GFPT2: variants seen among roughly 807,000 people sequenced by gnomAD.
The protein encoded by GFPT2 is glutamine--fructose-6-phosphate aminotransferase [isomerizing] 2.
A neutral mutation model predicts 85.6 loss-of-function variants in GFPT2; 62 were observed. The ratio of observed to expected loss-of-function variants is 0.72; its 90% CI spans 0.59 to 0.90. GFPT2 has a LOEUF of 0.90. Among genes scored for constraint, GFPT2 ranks in the 40% least tolerant of loss-of-function variants. The probability of loss-of-function intolerance (pLI) is 0.00; values close to 1 mark genes in which losing one functional copy is unlikely to be tolerated. For missense variants in GFPT2, 788 were observed against 893.4 expected, an observed-to-expected ratio of 0.88 and a Z score of 1.50; for synonymous variants, 368 against 344.5, an observed-to-expected ratio of 1.07 and a Z score of -0.75.
intron 1 of GFPT2, among the ~76,000 whole-genome samples, chr5:180,339,161 C>T (rs1764460559): frequency 6.6e-6 from 1 of 152,088 alleles, no homozygotes; most frequent in African/African-American, 2.4e-5. Flanking sequence ...GGGTGGATCA[C>T]CTGAGGTCAG....
In GFPT2 at chr5:180,313,908, T is replaced by G; in HGVS notation, c.1330A>C (p.Thr444Pro). 1 of 1,606,546 alleles carries G rather than the reference T, an allele frequency of 6.2e-7. No homozygotes were observed. The highest frequency in any genetic ancestry group is 8.5e-7 in the Non-Finnish European group (1 of 1,179,438). Reference protein sequence around the residue: ...LRYCKDRGALTVGVTNTVGSS... With the variant: ...LRYCKDRGALPVGVTNTVGSS... ...CCCACGGTGTTGGTGACGCCCACGG[T>G]GAGAGCGCCGCGGTCCTTACAGTAG... The change falls in exon 14 of 19, where the codon ACC (threonine) becomes CCC (proline). Residue 444 changes from threonine to proline, a missense_variant. Physicochemically the swap from Thr to Pro is conservative, Grantham distance 38. Transcript: ENST00000253778.
intron 9 of GFPT2, among the ~76,000 whole-genome samples, chr5:180,322,837 C>T (rs1250778939): frequency 6.6e-6 from 1 of 151,976 alleles, no homozygotes; most frequent in Admixed American, 6.6e-5. Flanking sequence ...GAGATGGAGA[C>T]AATCCTGGCT....
rs1312016355 is a variant in GFPT2, at chr5:180,300,761, TAG to T, written c.*801_*802del. 1.3e-5 allele frequency: 2 copies of T among 152,650 alleles called. No homozygotes were observed. The highest frequency in any genetic ancestry group is 6.5e-5 in the Admixed American group (1 of 15,278). 9.5% of individuals were successfully genotyped at this position (152,650 alleles called of 1,614,324 possible). A position where few individuals can be genotyped will look rare whatever the true frequency, so the allele number is the denominator to read the frequency against. The stretch of plus-strand genomic sequence containing the variant: ...ACTTTTGATTGTGCACGCTTTTAAA[TAG>T]AGAGCAGAGTTGCCCACTTGAAACT... On this transcript the variant is annotated 3_prime_UTR_variant, in exon 19 of 19. Coordinates refer to ENST00000253778, the MANE Select transcript of GFPT2 (RefSeq NM_005110.4).
intron 8 of GFPT2, chr5:180,324,532 A>C (rs956070992): frequency 5.1e-6 from 3 of 584,448 alleles, no homozygotes; most frequent in Admixed American, 3.2e-5. Flanking sequence ...CAAACCAAAG[A>C]AGCACTCACA....
intron 9 of GFPT2, among the ~76,000 whole-genome samples, chr5:180,322,484 T>C (rs974957482): frequency 6.6e-6 from 1 of 152,370 alleles, no homozygotes; most frequent in African/African-American, 2.4e-5. Flanking sequence ...ATTGCTTTTT[T>C]GGTTCACCTA....
intron 15 of GFPT2, among the ~76,000 whole-genome samples, chr5:180,309,167 C>T (rs930432581): frequency 1.1e-4 from 16 of 151,954 alleles, no homozygotes; most frequent in South Asian, 1.0e-3. Flanking sequence ...CCACCGTGCC[C>T]GGCCCTAGAG....
At chr5:180,350,221 C>G (rs1764687762) in intron 1 of GFPT2, among the ~76,000 whole-genome samples, 2 of 152,190 alleles carry the variant, frequency 1.3e-5, no homozygotes, top group South Asian at 4.1e-4. Context: ...GTCCATCACC[C>G]AAGGGGTCAC....
intron 1 of GFPT2, among the ~76,000 whole-genome samples, chr5:180,342,407 G>GTTTTTTT (rs757456841): frequency 2.7e-5 from 3 of 109,336 alleles, no homozygotes; most frequent in Admixed American, 1.1e-4. Flanking sequence ...TAGGTGAAAT[G>GTTTTTTT]TTTTTTTTTT....
rs1245748608 is a variant in GFPT2, at chr5:180,332,269, G to A, written c.341-716C>T. ...GGCGGGGGGAGCAGGGGGATGCGGG[G>A]GATGCGGTGAGGGATGTCTGCCTCC... On this transcript the variant is annotated intron_variant, in intron 4 of 18. Transcript: ENST00000253778. Among the ~76,000 whole-genome samples, 6 of 151,976 alleles carry A rather than the reference G, an allele frequency of 3.9e-5. No individual in the cohort carries two copies. The East Asian group carries it at 1.2e-3, about 30-fold the overall frequency.
chr5:180,332,186 G>T (rs953324188), intron 4 of GFPT2, among the ~76,000 whole-genome samples: 7 of 151,174 alleles, frequency 4.6e-5, no homozygotes, highest in South Asian at 2.1e-4. Context: ...CCCAGCTCAC[G>T]CGGGCGGCTT....
chr5:180,316,778 G>T lies in GFPT2; in HGVS notation c.1138C>A (p.His380Asn). 1 of 1,612,426 alleles carries T rather than the reference G, an allele frequency of 6.2e-7. No homozygotes were observed. Among genetic ancestry groups the T allele is most frequent in the East Asian group, 2.2e-5 (1 of 44,878 alleles). Residue 380 changes from histidine (H) to asparagine (N), a missense_variant, in exon 12 of 19, where the codon CAC becomes AAC. Coordinates refer to ENST00000253778, the MANE Select transcript of GFPT2 (RefSeq NM_005110.4). ...LIVIGCGTSY[H>N]AAVATRQVLE... ...GTCACACTTACAGCCACGGCAGCGT[G>T]GTAGCTGGTTCCACAGCCAATCACG...
At chr5:180,326,198 G>A (rs757017780) in intron 7 of GFPT2, among the ~76,000 whole-genome samples, 22 of 152,062 alleles carry the variant, frequency 1.4e-4, no homozygotes, top group Non-Finnish European at 1.9e-4. Context: ...CTAAACCTGC[G>A]GTTCTTCAAA....
At position 180,312,427 on chromosome 5, in the gene GFPT2, T is replaced by C. The variant is rs1050771085; in HGVS notation, c.1546+3A>G. Reference sequence around the variant, plus strand: ...ACATGGAAAGCTGAATTCTAGAACATACCAGGTAAAGATCTCAAGCCACGG... The same window carrying C: ...ACATGGAAAGCTGAATTCTAGAACACACCAGGTAAAGATCTCAAGCCACGG... On this transcript the variant is annotated splice_donor_region_variant and intron_variant, in intron 15 of 18. Coordinates refer to ENST00000253778, the MANE Select transcript of GFPT2 (RefSeq NM_005110.4). 2 of 1,475,882 alleles carry C rather than the reference T, an allele frequency of 1.4e-6. No individual in the cohort carries two copies. The highest frequency in any genetic ancestry group is 9.5e-7 in the Non-Finnish European group (1 of 1,053,626). The allele number at this position is 1,475,882 out of a possible 1,614,324, so 91.4% of individuals were successfully genotyped here.
intron 1 of GFPT2, among the ~76,000 whole-genome samples, chr5:180,347,534 G>A (rs186795166): frequency 2.0e-5 from 3 of 152,314 alleles, no homozygotes; most frequent in African/African-American, 4.8e-5. Context: ...AGCCCTCCGA[G>A]AGGAGACTGT....
chr5:180,352,180 C>T (rs1279351454), intron 1 of GFPT2, among the ~76,000 whole-genome samples: 1 of 152,036 alleles, frequency 6.6e-6, no homozygotes, highest in Non-Finnish European at 1.5e-5. Context: ...AGCTGGCCTC[C>T]GAGACAAGAG....
chr5:180,324,837 T>C lies in GFPT2; in HGVS notation c.655A>G (p.Ile219Val). The C allele has an allele frequency of 2.5e-6, 4 of 1,608,868 alleles. No homozygotes were observed. The highest frequency in any genetic ancestry group is 3.4e-6 in the Non-Finnish European group (4 of 1,175,248). Residue 219 changes from isoleucine (I) to valine (V), a missense_variant, in exon 8 of 19, where the codon ATC becomes GTC. Physicochemically the swap from Ile to Val is conservative, Grantham distance 29. Transcript: ENST00000253778. ...RSKYKLSTEQ[I>V]PILYRTCTLE... ...TTACACGTCCTGTATAAGATAGGGATCTGTTCTGTGGAGAGCTTGTATTTG... is the reference window on the plus strand; with the variant it reads ...TTACACGTCCTGTATAAGATAGGGACCTGTTCTGTGGAGAGCTTGTATTTG...
At chr5:180,324,414 T>G in intron 8 of GFPT2, 109 bp from the exon 9 acceptor site, 1 of 692,910 alleles carries the variant, frequency 1.4e-6, no homozygotes, top group Non-Finnish European at 2.5e-6. Context: ...AATTTGCAAT[T>G]TTTAGCTTTG....
chr5:180,315,317 A>G (rs1320308934), intron 13 of GFPT2, among the ~76,000 whole-genome samples: 1 of 151,944 alleles, frequency 6.6e-6, no homozygotes, highest in Non-Finnish European at 1.5e-5. Context: ...AGCCGGGACT[A>G]CAGGCGCCCG....
chr5:180,315,552 G>C (rs923499272), intron 13 of GFPT2, among the ~76,000 whole-genome samples: 1 of 152,120 alleles, frequency 6.6e-6, no homozygotes, highest in Admixed American at 6.6e-5. Flanking sequence ...ATGATGCCCG[G>C]GATTGGCTTC....
Sources: allele counts gnomAD v4.1 joint callset (sites outside exome capture counted in the v4.1 genomes callset), GRCh38; gene constraint gnomAD v4.1.1; transcripts MANE v1.5; gene names NCBI Gene and HGNC (gene_info 2026-07-23, HGNC 2026-07-21).